The following SLC45A3 variants were observed in gnomAD, a reference collection of about 807,000 sequenced individuals.
The protein encoded by SLC45A3 is solute carrier family 45 member 3.
SLC45A3 carries 17 observed loss-of-function variants against 35.3 expected under a neutral mutation model. The ratio of observed to expected loss-of-function variants is 0.48; its 90% CI spans 0.33 to 0.72. The LOEUF (loss-of-function observed/expected upper bound fraction) is 0.72, where lower values mean the gene tolerates loss of function less well. SLC45A3 is among the 30% of genes least tolerant of loss of function. The probability of loss-of-function intolerance (pLI) is 0.02; values close to 1 mark genes in which losing one functional copy is unlikely to be tolerated. For missense variants in SLC45A3, 597 were observed against 731.7 expected, an observed-to-expected ratio of 0.82 and a Z score of 2.12; for synonymous variants, 288 against 334.3, an observed-to-expected ratio of 0.86 and a Z score of 1.51.
intron 1 of SLC45A3, among the ~76,000 whole-genome samples, chr1:205,678,969 C>G (rs1671355818): frequency 6.6e-6 from 1 of 152,078 alleles, no homozygotes; most frequent in South Asian, 2.1e-4. Context: ...AATAGGCCAG[C>G]CTGTTTCCCA....
rs766723335 is a variant in SLC45A3, at chr1:205,663,160, C to T, written c.631G>A (p.Val211Ile). The change falls in exon 3 of 5, where the codon GTA becomes ATA. Residue 211 changes from valine to isoleucine, a missense_variant. Val to Ile is a conservative substitution (Grantham distance 29). This residue lies in a region of SLC45A3 where 555 missense variants were observed against 664.9 expected (regional missense o/e 0.83). Coordinates refer to ENST00000367145, the MANE Select transcript of SLC45A3 (RefSeq NM_033102.3). ...TCAGCCACCAGCAGTGTGGCTGCTA[C>T]GCAGGTGAGGAAGATGAGGGTGAGC... ...GLLTLIFLTC[V>I]AATLLVAEEA... 21 of 1,612,406 alleles carry T rather than the reference C, an allele frequency of 1.3e-5. No homozygotes were observed. The highest frequency in any genetic ancestry group is 1.6e-4 in the Middle Eastern group (1 of 6,080).
chr1:205,657,854 A>G lies in SLC45A3; in HGVS notation c.*1380T>C, dbSNP rs1167137742. Reference sequence around the variant, plus strand: ...TCCTAAAAGAAACACATGCCAATAAACATATAAGAAAGCCTTTAATTTTGT... The same window carrying G: ...TCCTAAAAGAAACACATGCCAATAAGCATATAAGAAAGCCTTTAATTTTGT... On this transcript the variant is annotated 3_prime_UTR_variant, in exon 5 of 5. Transcript: ENST00000367145. The G allele has an allele frequency of 8.9e-5, 17 of 191,912 alleles. No homozygotes were observed. In the East Asian group the frequency reaches 1.4e-3, roughly 16 times the overall value. The allele number at this position is 191,912 out of a possible 1,614,324, so 11.9% of individuals were successfully genotyped here. A position where few individuals can be genotyped will look rare whatever the true frequency, so the allele number is the denominator to read the frequency against.
Position 205,659,642 on chromosome 1 carries a change from A to C in SLC45A3, c.1254T>G (p.Thr418=), listed in dbSNP as rs752901803. Reference sequence around the variant, plus strand: ...GGCTGTCCTCACTGCTAGCACCTCCAGTGTCCCCTCGGTATTTGGGCAGGA... The same window carrying C: ...GGCTGTCCTCACTGCTAGCACCTCCCGTGTCCCCTCGGTATTTGGGCAGGA... The part of the protein sequence containing the change: ...QVFLPKYRGD[T]GGASSEDSLM... The change falls in exon 5 of 5, where the codon ACT becomes ACG. Residue 418 remains threonine (T), a synonymous_variant. Transcript: ENST00000367145. The surrounding 1 kb of genome is among the most constrained non-coding windows in gnomAD (Gnocchi z 5.8). 4.2e-5 allele frequency: 64 copies of C among 1,532,556 alleles called. No individual in the cohort carries two copies. Among genetic ancestry groups the C allele is most frequent in the Non-Finnish European group, 5.6e-5 (64 of 1,142,532 alleles). The allele number at this position is 1,532,556 out of a possible 1,614,324, so 94.9% of individuals were successfully genotyped here.
In SLC45A3 at chr1:205,658,129, C is replaced by G; in HGVS notation, c.*1105G>C. 1.0e-5 allele frequency: 2 copies of G among 197,160 alleles called. No individual in the cohort carries two copies. The highest frequency in any genetic ancestry group is 1.9e-5 in the Non-Finnish European group (2 of 106,814). The allele number at this position is 197,160 out of a possible 1,614,324, so 12.2% of individuals were successfully genotyped here. The stretch of plus-strand genomic sequence containing the variant: ...CTTCTGGTCCTGCAGTAGCTCCAAA[C>G]AGGGTTGTGGAGCTGGTGGGGAAAG... On this transcript the variant is annotated 3_prime_UTR_variant, in exon 5 of 5. Coordinates refer to ENST00000367145, the MANE Select transcript of SLC45A3 (RefSeq NM_033102.3).
chr1:205,680,325 C>A (rs1320938958), intron 1 of SLC45A3, 69 bp downstream of exon 1: 1 of 152,110 alleles, frequency 6.6e-6, no homozygotes, highest in Non-Finnish European at 1.5e-5. Context: ...CGGAGCTCGG[C>A]CGTGCACTGC....
intron 1 of SLC45A3, among the ~76,000 whole-genome samples, chr1:205,667,571 ACC>A (rs1292686486): frequency 1.3e-5 from 2 of 151,992 alleles, no homozygotes; most frequent in Non-Finnish European, 2.9e-5. Flanking sequence ...GGTGGCATGC[ACC>A]TATAATCCCA....
At position 205,663,050 on chromosome 1, in the gene SLC45A3, G is replaced by A; in HGVS notation, c.741C>T (p.Arg247=). 6.2e-7 allele frequency: 1 copy of A among 1,608,660 alleles called. No individual in the cohort carries two copies. The highest frequency in any genetic ancestry group is 2.2e-5 in the East Asian group (1 of 44,644). Residue 247 remains arginine (R), a synonymous_variant, in exon 3 of 5, where the codon CGC becomes CGT. Coordinates refer to ENST00000367145, the MANE Select transcript of SLC45A3 (RefSeq NM_033102.3). ...LSPHCCPCRA[R]LAFRNLGALL... ...GGGCGCCCAGGTTCCGGAAAGCCAAGCGGGCCCGGCATGGACAGCAGTGGG... is the reference window on the plus strand; with the variant it reads ...GGGCGCCCAGGTTCCGGAAAGCCAAACGGGCCCGGCATGGACAGCAGTGGG...
rs765881137 is a variant in SLC45A3, at chr1:205,659,484, C to A, written c.1412G>T (p.Arg471Leu). The change falls in exon 5 of 5, where the codon CGT (arginine) becomes CTT (leucine). Residue 471 changes from arginine to leucine, a missense_variant. Transcript: ENST00000367145. This position sits in a 1 kb window ranked among gnomAD's most constrained non-coding sequence, Gnocchi z 5.8. ...CGASACDVSV[R>L]VVVGEPTEAR... The stretch of plus-strand genomic sequence containing the variant: ...CTCGGTGGGCTCACCCACCACCACA[C>A]GTACGGAGACATCACAGGCAGAGGC... 6.2e-7 allele frequency: 1 copy of A among 1,613,894 alleles called. No homozygotes were observed.
intron 4 of SLC45A3, among the ~76,000 whole-genome samples, chr1:205,661,303 G>A (rs535276391): frequency 1.4e-4 from 22 of 152,332 alleles, no homozygotes; most frequent in Admixed American, 1.1e-3. Flanking sequence ...AGGGGAAGGA[G>A]AAAGGGAAGG....
rs531106180 is a variant in SLC45A3, at chr1:205,662,742, G to A, written c.958+91C>T. The stretch of plus-strand genomic sequence containing the variant: ...TTTCCTGACAGAGAAGTCGGGGCCA[G>A]GATGGAGAGGCACCAGCCCAGACAC... On this transcript the variant is annotated intron_variant, in intron 3 of 4. Coordinates refer to ENST00000367145, the MANE Select transcript of SLC45A3 (RefSeq NM_033102.3). The surrounding 1 kb of genome is among the most constrained non-coding windows in gnomAD (Gnocchi z 6.2). The A allele has an allele frequency of 1.8e-5, 27 of 1,498,076 alleles. No homozygotes were observed. Among genetic ancestry groups the A allele is most frequent in the Non-Finnish European group, 2.2e-5 (25 of 1,127,334 alleles). 92.8% of individuals were successfully genotyped at this position (1,498,076 alleles called of 1,614,324 possible).
intron 1 of SLC45A3, among the ~76,000 whole-genome samples, chr1:205,673,063 T>A (rs1463810673): frequency 6.6e-6 from 1 of 152,024 alleles, no homozygotes; most frequent in East Asian, 1.9e-4. Flanking sequence ...ACTTACCCCA[T>A]CCTTCACCTG....
rs907400616 is a variant in SLC45A3, at chr1:205,658,431, A to T, written c.*803T>A. On this transcript the variant is annotated 3_prime_UTR_variant, in exon 5 of 5. Transcript: ENST00000367145. Reference sequence around the variant, plus strand: ...TGGGGGGCCAGACCCCAGGAGAAGAAGATTCTGGCAATGATCAGCCCAATG... The same window carrying T: ...TGGGGGGCCAGACCCCAGGAGAAGATGATTCTGGCAATGATCAGCCCAATG... The T allele has an allele frequency of 1.3e-5, 3 of 233,070 alleles. No homozygotes were observed. Among genetic ancestry groups the T allele is most frequent in the Admixed American group, 5.6e-5 (1 of 17,766 alleles). 14.4% of individuals were successfully genotyped at this position (233,070 alleles called of 1,614,324 possible).
Position 205,663,479 on chromosome 1 carries a change from T to G in SLC45A3, c.312A>C (p.Pro104=). The change falls in exon 3 of 5, where the codon CCA becomes CCC. Residue 104 remains proline, a synonymous_variant. Transcript: ENST00000367145. ...GCAGCCCTGCTAGCCAGCCGGCCCT[T>G]GGGATGAGAAAGAGGCTCAGCAGGA... ...LGILLSLFLI[P]RAGWLAGLLC... The G allele has an allele frequency of 6.2e-7, 1 of 1,613,000 alleles. No homozygotes were observed.
In SLC45A3 at chr1:205,658,303, A is replaced by G. The variant is rs1449507968; in HGVS notation, c.*931T>C. The G allele has an allele frequency of 1.3e-5, 3 of 232,608 alleles. No individual in the cohort carries two copies. Among genetic ancestry groups the G allele is most frequent in the Admixed American group, 5.6e-5 (1 of 17,744 alleles). 14.4% of individuals were successfully genotyped at this position (232,608 alleles called of 1,614,324 possible). On this transcript the variant is annotated 3_prime_UTR_variant, in exon 5 of 5. Transcript: ENST00000367145. ...GGTTAGGGAAGCCGTTGAGACCTGA[A>G]GCCCCACCCTCTACCTTCCTTCAAC...
At chr1:205,676,493 T>C (rs533484540) in intron 1 of SLC45A3, among the ~76,000 whole-genome samples, 1 of 152,306 alleles carries the variant, frequency 6.6e-6, no homozygotes, top group African/African-American at 2.4e-5. Context: ...ACCTGGCGTG[T>C]GCAGGTGCTT....
chr1:205,661,273 T>A (rs1439085940), intron 4 of SLC45A3, among the ~76,000 whole-genome samples: 2 of 151,550 alleles, frequency 1.3e-5, no homozygotes, highest in African/African-American at 4.9e-5. Flanking sequence ...AGCTCAGATA[T>A]CTGCCACAGG....
intron 2 of SLC45A3, 124 bp from the exon 3 acceptor site, chr1:205,663,742 C>T: frequency 2.0e-6 from 2 of 999,212 alleles, no homozygotes; most frequent in Non-Finnish European, 2.9e-6. Context: ...TACGTCTTCA[C>T]AGGGATGCTG....
chr1:205,677,483 C>A (rs1671331630), intron 1 of SLC45A3, among the ~76,000 whole-genome samples: 1 of 152,160 alleles, frequency 6.6e-6, no homozygotes, highest in Non-Finnish European at 1.5e-5. Context: ...CTTATTTAAT[C>A]CTGGAAATAC....
chr1:205,664,038 C>A lies in SLC45A3; in HGVS notation c.173-420G>T, dbSNP rs906855119. 6.6e-6 allele frequency among the ~76,000 whole-genome samples: 1 copy of A among 152,152 alleles called. No individual in the cohort carries two copies. The highest frequency in any genetic ancestry group is 1.5e-5 in the Non-Finnish European group (1 of 68,030). On this transcript the variant is annotated intron_variant, in intron 2 of 4. Coordinates refer to ENST00000367145, the MANE Select transcript of SLC45A3 (RefSeq NM_033102.3). This position sits in a 1 kb window ranked among gnomAD's most constrained non-coding sequence, Gnocchi z 5.3. ...CCACCCCTTGTCCTAGGGGTAGGAG[C>A]AAGCTCCGGCTGGGAGACCTTGATG... is the stretch of plus-strand genomic sequence containing the variant.
Sources: gnomAD v4.1 joint callset for allele counts (sites outside exome capture counted in the v4.1 genomes callset) on GRCh38, gnomAD v4.1.1 for gene constraint, gnomAD v4.1.1 regional missense constraint, Gnocchi (gnomAD v3.1) non-coding constraint, MANE v1.5 for transcripts, NCBI Gene and HGNC (gene_info 2026-07-23, HGNC 2026-07-21) for gene names.